ZNF354C: variants seen among roughly 807,000 people sequenced by gnomAD.
The protein encoded by ZNF354C is KRAB-zinc finger protein synten.
A neutral mutation model predicts 12.4 loss-of-function variants in ZNF354C; 7 were observed. That is an observed-to-expected ratio of 0.56 (90% confidence interval 0.32 to 1.06). The LOEUF (loss-of-function observed/expected upper bound fraction) is 1.06. Ranked by LOEUF, ZNF354C falls within the 50% of genes least tolerant of loss-of-function variation. The pLI is 0.04. For missense variants in ZNF354C, 609 were observed against 658.0 expected, an observed-to-expected ratio of 0.93 and a Z score of 0.81; for synonymous variants, 202 against 224.5, an observed-to-expected ratio of 0.90 and a Z score of 0.90.
chr5:179,062,207 G>C, intron 2 of ZNF354C, 112 bp downstream of exon 2: 1 of 1,396,892 alleles, frequency 7.2e-7, no homozygotes, highest in South Asian at 1.2e-5. Flanking sequence ...AAACGATGAA[G>C]AATCCGGAAC....
rs1487540036 is a variant in ZNF354C at position 179,078,727 on chromosome 5, G to C, written c.295G>C (p.Asp99His). The change falls in exon 5 of 5, where the codon GAC (aspartate) becomes CAC (histidine). Residue 99 changes from aspartate (D) to histidine (H), a missense_variant. Coordinates refer to ENST00000315475, the MANE Select transcript of ZNF354C (RefSeq NM_014594.3). ...LETEALPHRQ[D>H]IFIEETSQGM... Reference sequence around the variant, plus strand: ...AACAGAAGCATTGCCTCATAGACAGGACATTTTTATAGAAGAAACATCTCA... The same window carrying C: ...AACAGAAGCATTGCCTCATAGACAGCACATTTTTATAGAAGAAACATCTCA... 6 of 1,611,604 alleles carry C rather than the reference G, an allele frequency of 3.7e-6. No homozygotes were observed. The Admixed American group carries it at 8.4e-5, about 23-fold the overall frequency.
intron 2 of ZNF354C, among the ~76,000 whole-genome samples, chr5:179,064,629 T>A (rs1761937654): frequency 6.6e-6 from 1 of 151,126 alleles, no homozygotes; most frequent in African/African-American, 2.4e-5. Context: ...TTAGCCAGGA[T>A]GGTCTCCATC....
At position 179,082,474 on chromosome 5, in the gene ZNF354C, A is replaced by T; in HGVS notation, c.*2377A>T. ...GTATAGGACAACTGGACTTTTTTTT[A>T]TATATTTATTTTAAAATGGTTTTCT... is the stretch of plus-strand genomic sequence containing the variant. On this transcript the variant is annotated 3_prime_UTR_variant, in exon 5 of 5. Coordinates refer to ENST00000315475, the MANE Select transcript of ZNF354C (RefSeq NM_014594.3). 1 of 543,420 alleles carries T rather than the reference A, an allele frequency of 1.8e-6. No homozygotes were observed. The allele number at this position is 543,420 out of a possible 1,614,324, so 33.7% of individuals were successfully genotyped here.
intron 2 of ZNF354C, among the ~76,000 whole-genome samples, chr5:179,069,647 C>T (rs1201447905): frequency 1.3e-5 from 2 of 151,186 alleles, no homozygotes; most frequent in Non-Finnish European, 2.9e-5. Flanking sequence ...GGGTGGCTCA[C>T]GAGATCAGGA....
intron 2 of ZNF354C, among the ~76,000 whole-genome samples, chr5:179,068,289 T>C (rs1185995208): frequency 1.3e-5 from 2 of 152,222 alleles, no homozygotes; most frequent in African/African-American, 4.8e-5. Flanking sequence ...ACCTGTAGAA[T>C]GGGGCCGCTA....
chr5:179,075,264 AAG>A (rs1491576094), intron 2 of ZNF354C, among the ~76,000 whole-genome samples: 1 of 151,424 alleles, frequency 6.6e-6, no homozygotes, highest in Admixed American at 6.6e-5. Context: ...GTCTCAGAAA[AAG>A]AAAAAAAAAA....
At chr5:179,077,769 G>A (rs1762144521) in intron 4 of ZNF354C, among the ~76,000 whole-genome samples, 1 of 151,550 alleles carries the variant, frequency 6.6e-6, no homozygotes, top group African/African-American at 2.4e-5. Context: ...TCATGCTGCA[G>A]GGCTGTTGTG....
At position 179,083,311 on chromosome 5, in the gene ZNF354C, G is replaced by C. The variant is rs958249796; in HGVS notation, c.*3214G>C. The C allele has an allele frequency of 1.1e-5, 2 of 178,046 alleles. No individual in the cohort carries two copies. The highest frequency in any genetic ancestry group is 2.3e-5 in the Non-Finnish European group (2 of 85,962). 11.0% of individuals were successfully genotyped at this position (178,046 alleles called of 1,614,324 possible). A position where few individuals can be genotyped will look rare whatever the true frequency, so the allele number is the denominator to read the frequency against. ...TGATTTTTCTAGAAGTGATAATTGA[G>C]TTACGTAGGATAATGTTCTAATTCT... On this transcript the variant is annotated 3_prime_UTR_variant, in exon 5 of 5. Transcript: ENST00000315475.
Position 179,081,117 on chromosome 5 carries a change from A to G in ZNF354C, c.*1020A>G, listed in dbSNP as rs746257343. The G allele has an allele frequency of 1.8e-4, 27 of 152,308 alleles. No homozygotes were observed. The highest frequency in any genetic ancestry group is 2.8e-4 in the Non-Finnish European group (19 of 68,028). The allele number at this position is 152,308 out of a possible 1,614,324, so 9.4% of individuals were successfully genotyped here. A position where few individuals can be genotyped will look rare whatever the true frequency, so the allele number is the denominator to read the frequency against. ...GTACTATTTGTTTTGTAGCCTGGTT[A>G]GACATAGTTGCAGTAATTTAAAGTT... On this transcript the variant is annotated 3_prime_UTR_variant, in exon 5 of 5. Coordinates refer to ENST00000315475, the MANE Select transcript of ZNF354C (RefSeq NM_014594.3).
At position 179,079,633 on chromosome 5, in the gene ZNF354C, G is replaced by A. The variant is rs771104551; in HGVS notation, c.1201G>A (p.Glu401Lys). The A allele has an allele frequency of 2.8e-5, 45 of 1,613,972 alleles. No homozygotes were observed. The highest frequency in any genetic ancestry group is 6.7e-5 in the African/African-American group (5 of 74,912). Residue 401 changes from glutamate (E) to lysine (K), a missense_variant, in exon 5 of 5, where the codon GAA becomes AAA. By Grantham distance (56) the Glu-to-Lys change is moderately conservative. Transcript: ENST00000315475. This position sits in a 1 kb window ranked among gnomAD's most constrained non-coding sequence, Gnocchi z 4.2. ...RTFTRIVTLIEHQRIHTGQKP... is the reference protein window; with the variant it reads ...RTFTRIVTLIKHQRIHTGQKP... ...CTTCACACGTATTGTAACCCTTATC[G>A]AACATCAGCGAATTCACACTGGACA...
rs1166652879 is a variant in ZNF354C at position 179,082,416 on chromosome 5, C to T, written c.*2319C>T. Reference sequence around the variant, plus strand: ...GAATAGAGGAACAAGTTGAATTACACAGTATGGAAATAAATAGACAAGTCC... The same window carrying T: ...GAATAGAGGAACAAGTTGAATTACATAGTATGGAAATAAATAGACAAGTCC... On this transcript the variant is annotated 3_prime_UTR_variant, in exon 5 of 5. Transcript: ENST00000315475. The T allele has an allele frequency of 2.4e-6, 1 of 409,086 alleles. No homozygotes were observed. Among genetic ancestry groups the T allele is most frequent in the Non-Finnish European group, 4.4e-6 (1 of 229,086 alleles). The allele number at this position is 409,086 out of a possible 1,614,324, so 25.3% of individuals were successfully genotyped here. A position where few individuals can be genotyped will look rare whatever the true frequency, so the allele number is the denominator to read the frequency against.
intron 2 of ZNF354C, among the ~76,000 whole-genome samples, chr5:179,067,239 G>C (rs915274382): frequency 6.6e-6 from 1 of 152,172 alleles, no homozygotes; most frequent in African/African-American, 2.4e-5. Flanking sequence ...GATGCTTGCT[G>C]TTGGCTCATT....
intron 2 of ZNF354C, among the ~76,000 whole-genome samples, chr5:179,071,625 G>A (rs1479012172): frequency 2.0e-5 from 3 of 152,154 alleles, no homozygotes; most frequent in Non-Finnish European, 4.4e-5. Context: ...TTGCCTGGGA[G>A]TAGGCCACAG....
Position 179,079,083 on chromosome 5 carries a change from C to G in ZNF354C, c.651C>G (p.Ile217Met). Residue 217 changes from isoleucine to methionine, a missense_variant, in exon 5 of 5, where the codon ATC becomes ATG. By Grantham distance (10) the Ile-to-Met change is conservative. Transcript: ENST00000315475. The surrounding 1 kb of genome is among the most constrained non-coding windows in gnomAD (Gnocchi z 4.2). ...FQIYPGGKPH[I>M]CNECGKSFKQ... ...TTTACCCAGGAGGAAAACCTCACATCTGTAATGAATGTGGGAAGAGCTTCA... is the reference window on the plus strand; with the variant it reads ...TTTACCCAGGAGGAAAACCTCACATGTGTAATGAATGTGGGAAGAGCTTCA... 2 of 1,613,886 alleles carry G rather than the reference C, an allele frequency of 1.2e-6. No homozygotes were observed. The highest frequency in any genetic ancestry group is 1.7e-6 in the Non-Finnish European group (2 of 1,180,010).
chr5:179,076,523 T>G lies in ZNF354C; in HGVS notation c.106T>G (p.Leu36Val). 6.2e-7 allele frequency: 1 copy of G among 1,614,178 alleles called. No homozygotes were observed. Among genetic ancestry groups the G allele is most frequent in the Non-Finnish European group, 8.5e-7 (1 of 1,180,032 alleles). The stretch of plus-strand genomic sequence containing the variant: ...GCACCTGGACTCTGCCCAGAGGGCC[T>G]TGTACCGGGAGGTGATGCTGGAGAA... ...WLHLDSAQRA[L>V]YREVMLENYS... The change falls in exon 3 of 5, where the codon TTG (leucine) becomes GTG (valine). Residue 36 changes from leucine (L) to valine (V), a missense_variant. Transcript: ENST00000315475.
At position 179,080,894 on chromosome 5, in the gene ZNF354C, A is replaced by G. The variant is rs2113129331; in HGVS notation, c.*797A>G. On this transcript the variant is annotated 3_prime_UTR_variant, in exon 5 of 5. Transcript: ENST00000315475. ...CACATACTTTGTTATCTGTTGCAGA[A>G]GGGATGTATTTGGCAGAATCTCAGG... is the stretch of plus-strand genomic sequence containing the variant. The G allele has an allele frequency of 6.6e-6, 1 of 152,334 alleles. No homozygotes were observed. The highest frequency in any genetic ancestry group is 3.4e-3 in the Middle Eastern group (1 of 294). The allele number at this position is 152,334 out of a possible 1,614,324, so 9.4% of individuals were successfully genotyped here.
rs149784911 is a variant in ZNF354C at position 179,063,671 on chromosome 5, T to C, written c.27+1576T>C. Among the ~76,000 whole-genome samples, 649 of 152,344 alleles carry C rather than the reference T, an allele frequency of 4.3e-3. 9 individuals are homozygous for C. The highest frequency in any genetic ancestry group is 0.015 in the African/African-American group (624 of 41,560). On this transcript the variant is annotated intron_variant, in intron 2 of 4. Coordinates refer to ENST00000315475, the MANE Select transcript of ZNF354C (RefSeq NM_014594.3). ...TTTCATATAGTAAGTCATTTAATCC[T>C]TACAAGAGGACTGTTAATATCTGGA...
In ZNF354C at chr5:179,077,286, G is replaced by A. The variant is rs887943170; in HGVS notation, c.250+120G>A. The A allele has an allele frequency of 1.3e-5, 10 of 751,688 alleles. No homozygotes were observed. The African/African-American group carries it at 1.6e-4, about 12-fold the overall frequency. 46.6% of individuals were successfully genotyped at this position (751,688 alleles called of 1,614,324 possible). ...TCCTCTTGAGATGCTCAGGCCAGTTGTATTTTGTTTGAGTTGTATAGGTTA... is the reference window on the plus strand; with the variant it reads ...TCCTCTTGAGATGCTCAGGCCAGTTATATTTTGTTTGAGTTGTATAGGTTA... On this transcript the variant is annotated intron_variant, in intron 4 of 4. Transcript: ENST00000315475.
chr5:179,079,175 AGT>A lies in ZNF354C; in HGVS notation c.747_748del (p.Cys249Ter). ...GGTGAGAAACCCTACAAATGTAATG[AGT>A]GTGAAAAAACCTTCAGCCACAGATC... On this transcript the variant is annotated frameshift_variant, in exon 5 of 5. Coordinates refer to ENST00000315475, the MANE Select transcript of ZNF354C (RefSeq NM_014594.3). LOFTEE classifies it low-confidence loss of function (END_TRUNC). This position sits in a 1 kb window ranked among gnomAD's most constrained non-coding sequence, Gnocchi z 4.2. 1 of 1,613,912 alleles carries A rather than the reference AGT, an allele frequency of 6.2e-7. No homozygotes were observed. Among genetic ancestry groups the A allele is most frequent in the Non-Finnish European group, 8.5e-7 (1 of 1,179,996 alleles).
Sources: gnomAD v4.1 joint callset for allele counts (sites outside exome capture counted in the v4.1 genomes callset) on GRCh38, gnomAD v4.1.1 for gene constraint, Gnocchi (gnomAD v3.1) non-coding constraint, MANE v1.5 for transcripts, NCBI Gene and HGNC (gene_info 2026-07-23, HGNC 2026-07-21) for gene names.